MEMO1: variants seen among roughly 807,000 people sequenced by gnomAD.
MEMO1 encodes the protein protein MEMO1.
Under a neutral mutation model 45.2 loss-of-function variants are expected in MEMO1, and 6 were observed. The observed-to-expected ratio is 0.13, with a 90% CI of 0.07 to 0.26. The LOEUF (loss-of-function observed/expected upper bound fraction) is 0.26. Among genes scored for constraint, MEMO1 ranks in the 10% least tolerant of loss-of-function variants. The pLI, the probability that MEMO1 is intolerant of heterozygous loss-of-function variation, is 1.00. For synonymous variants in MEMO1, 78 were observed against 124.3 expected (o/e 0.63, Z 2.48); for missense variants, 184 against 370.5 (o/e 0.50, Z 4.13).
intron 6 of MEMO1, among the ~76,000 whole-genome samples, chr2:31,906,061 C>A (rs1197719339): frequency 6.6e-6 from 1 of 151,626 alleles, no homozygotes; most frequent in Non-Finnish European, 1.5e-5. Context: ...CAACCTCTGC[C>A]TCCTGGGTTC....
At chr2:31,934,196 T>C (rs1664635938) in intron 3 of MEMO1, among the ~76,000 whole-genome samples, 1 of 152,164 alleles carries the variant, frequency 6.6e-6, no homozygotes, top group Admixed American at 6.5e-5. Flanking sequence ...CTTCACTTCC[T>C]AATCCTTACA....
At chr2:32,010,353 G>C (rs1674718511) in intron 1 of MEMO1, 89 bp from the exon 2 acceptor site, 1 of 547,422 alleles carries the variant, frequency 1.8e-6, no homozygotes, top group African/African-American at 2.0e-5. Flanking sequence ...GCCCAGCCCA[G>C]GAGGAGGCGG....
At chr2:31,928,378 A>G (rs1572709338) in intron 4 of MEMO1, among the ~76,000 whole-genome samples, 1 of 152,126 alleles carries the variant, frequency 6.6e-6, no homozygotes, top group East Asian at 1.9e-4. Context: ...CCTTGTCTCT[A>G]CTAAAAATAA....
intron 2 of MEMO1, among the ~76,000 whole-genome samples, chr2:31,944,105 T>C (rs1005974461): frequency 2.6e-5 from 4 of 152,132 alleles, no homozygotes; most frequent in South Asian, 2.1e-4. Flanking sequence ...AGTCAAAACA[T>C]AGTTTAAAAC....
At chr2:31,942,162 TG>T (rs906170413) in intron 3 of MEMO1, among the ~76,000 whole-genome samples, 29 of 152,314 alleles carry the variant, frequency 1.9e-4, no homozygotes, top group African/African-American at 7.0e-4. Context: ...TCATTAACTG[TG>T]TATGTGCTAG....
chr2:31,910,675 G>T (rs1680430165), intron 6 of MEMO1, among the ~76,000 whole-genome samples: 1 of 152,010 alleles, frequency 6.6e-6, no homozygotes, highest in Admixed American at 6.6e-5. Flanking sequence ...GCCTGGGCAG[G>T]ATAGTGAGAC....
At chr2:32,000,471 C>T (rs898893002) in intron 2 of MEMO1, among the ~76,000 whole-genome samples, 1 of 152,058 alleles carries the variant, frequency 6.6e-6, no homozygotes, top group Non-Finnish European at 1.5e-5. Context: ...ACCTCGTGAT[C>T]CGCCCGCCTC....
intron 2 of MEMO1, among the ~76,000 whole-genome samples, chr2:32,001,694 G>A (rs937472328): frequency 1.3e-5 from 2 of 151,890 alleles, no homozygotes; most frequent in Non-Finnish European, 2.9e-5. Context: ...AGAAGTCCTG[G>A]GTTCAAAACC....
chr2:31,876,415 A>T (rs1307978357), intron 8 of MEMO1, among the ~76,000 whole-genome samples: 1 of 152,188 alleles, frequency 6.6e-6, no homozygotes, highest in Non-Finnish European at 1.5e-5. Flanking sequence ...CTTTTTAGGT[A>T]TTTTCTGCAC....
intron 6 of MEMO1, among the ~76,000 whole-genome samples, chr2:31,913,091 A>G (rs1002745238): frequency 2.0e-5 from 3 of 151,818 alleles, no homozygotes; most frequent in African/African-American, 7.3e-5. Flanking sequence ...ATTCTGGCCA[A>G]CAAGGTCTAC....
chr2:31,886,390 C>CT (rs1459039046), intron 7 of MEMO1, among the ~76,000 whole-genome samples: 7 of 152,116 alleles, frequency 4.6e-5, no homozygotes, highest in African/African-American at 1.7e-4. Context: ...TCATCATAGC[C>CT]TATATGTATG....
Position 31,868,193 on chromosome 2 carries a change from T to C in MEMO1, c.*168A>G, listed in dbSNP as rs190783152. 9.7e-6 allele frequency: 5 copies of C among 515,806 alleles called. No homozygotes were observed. The highest frequency in any genetic ancestry group is 1.5e-5 in the Non-Finnish European group (5 of 329,152). 32.0% of individuals were successfully genotyped at this position (515,806 alleles called of 1,614,324 possible). A position where few individuals can be genotyped will look rare whatever the true frequency, so the allele number is the denominator to read the frequency against. On this transcript the variant is annotated 3_prime_UTR_variant, in exon 10 of 10. Transcript: ENST00000404530. ...AAACTATAAAGCATTTTTTAATGAG[T>C]TGAAATTAAGGAAGGACTACACCTA...
intron 6 of MEMO1, among the ~76,000 whole-genome samples, chr2:31,903,907 G>C (rs932163746): frequency 6.6e-6 from 1 of 152,196 alleles, no homozygotes; most frequent in African/African-American, 2.4e-5. Flanking sequence ...TCTACGTCCA[G>C]AGAGAAGCCA....
intron 6 of MEMO1, among the ~76,000 whole-genome samples, chr2:31,898,153 T>C (rs541143672): frequency 5.7e-4 from 87 of 152,118 alleles, no homozygotes; most frequent in African/African-American, 2.0e-3. Flanking sequence ...CGTTAATCTT[T>C]TGAAAAAACC....
At chr2:31,899,319 A>T (rs1442410032) in intron 6 of MEMO1, among the ~76,000 whole-genome samples, 1 of 152,194 alleles carries the variant, frequency 6.6e-6, no homozygotes, top group East Asian at 1.9e-4. Flanking sequence ...ACAGCATGGT[A>T]CTGGTACCAA....
intron 2 of MEMO1, among the ~76,000 whole-genome samples, chr2:31,967,247 C>T (rs1217941066): frequency 1.3e-5 from 2 of 151,864 alleles, no homozygotes; most frequent in Non-Finnish European, 2.9e-5. Context: ...CCTCAGCCTC[C>T]TGAGTAGCTG....
At chr2:31,912,292 T>G (rs1485348833) in intron 6 of MEMO1, among the ~76,000 whole-genome samples, 1 of 151,800 alleles carries the variant, frequency 6.6e-6, no homozygotes, top group Non-Finnish European at 1.5e-5. Context: ...GCCAAGGTTG[T>G]GCCATGCCAC....
chr2:31,892,284 T>C, intron 6 of MEMO1, 150 bp from the exon 7 acceptor site: 1 of 691,456 alleles, frequency 1.4e-6, no homozygotes. Context: ...AATCCATAAA[T>C]TAAATGTTTA....
At chr2:31,958,355 G>A (rs142117272) in intron 2 of MEMO1, among the ~76,000 whole-genome samples, 200 of 151,134 alleles carry the variant, frequency 1.3e-3, no homozygotes, top group African/African-American at 4.4e-3. Flanking sequence ...TGAAGCAGAC[G>A]TGTTAATGTA....
Sources: gnomAD v4.1 joint callset for allele counts (sites outside exome capture counted in the v4.1 genomes callset) on GRCh38, gnomAD v4.1.1 for gene constraint, MANE v1.5 for transcripts, NCBI Gene and HGNC (gene_info 2026-07-23, HGNC 2026-07-21) for gene names.